FGF14: variants seen among roughly 807,000 people sequenced by gnomAD.
FGF14 encodes fibroblast growth factor 14, also known as fibroblast growth factor homologous factor 4.
A neutral mutation model predicts 25.5 loss-of-function variants in FGF14; 5 were observed. The ratio of observed to expected loss-of-function variants is 0.20; its 90% CI spans 0.10 to 0.41. The LOEUF is 0.41. Among genes scored for constraint, FGF14 ranks in the 10% least tolerant of loss-of-function variants. The probability of loss-of-function intolerance (pLI) is 1.00; values close to 1 mark genes in which losing one functional copy is unlikely to be tolerated. For synonymous variants in FGF14, 138 were observed against 118.3 expected, an observed-to-expected ratio of 1.17 and a Z score of -1.08; for missense variants, 222 against 320.1, an observed-to-expected ratio of 0.69 and a Z score of 2.34.
At chr13:102,084,890 G>A (rs959752909) in intron 1 of FGF14, among the ~76,000 whole-genome samples, 4 of 152,130 alleles carry the variant, frequency 2.6e-5, no homozygotes, top group Non-Finnish European at 4.4e-5. Context: ...TGTCAGAAAT[G>A]GCTCCCCAAA....
chr13:101,757,213 G>A (rs1330379612), intron 3 of FGF14, among the ~76,000 whole-genome samples: 1 of 152,062 alleles, frequency 6.6e-6, no homozygotes, highest in Non-Finnish European at 1.5e-5. Context: ...TAGAGAATAT[G>A]TTTGTCTTAT....
chr13:101,781,653 T>C (rs1183248456), intron 3 of FGF14, among the ~76,000 whole-genome samples: 1 of 152,202 alleles, frequency 6.6e-6, no homozygotes, highest in East Asian at 1.9e-4. Context: ...TCTAAACTTG[T>C]CCAATCTAAA....
intron 1 of FGF14, among the ~76,000 whole-genome samples, chr13:102,142,799 T>C (rs2046696228): frequency 6.6e-6 from 1 of 152,220 alleles, no homozygotes; most frequent in Non-Finnish European, 1.5e-5. Flanking sequence ...CTTCACTTTA[T>C]TAAAATTTCT....
At chr13:102,388,631 C>T (rs1056784538) in intron 1 of FGF14, among the ~76,000 whole-genome samples, 1 of 152,196 alleles carries the variant, frequency 6.6e-6, no homozygotes, top group Admixed American at 6.5e-5. Flanking sequence ...AGCAATTTCT[C>T]TCCTGCTCAT....
chr13:102,343,133 C>T (rs1282094222), intron 1 of FGF14, among the ~76,000 whole-genome samples: 3 of 152,044 alleles, frequency 2.0e-5, no homozygotes, highest in African/African-American at 4.8e-5. Context: ...AATTGTCATG[C>T]AGGGCCTATC....
At chr13:101,966,493 G>T (rs1253234570) in intron 1 of FGF14, among the ~76,000 whole-genome samples, 2 of 150,556 alleles carry the variant, frequency 1.3e-5, no homozygotes, top group East Asian at 3.9e-4. Flanking sequence ...TTTTGTTTTT[G>T]TTTTTTTGAG....
intron 1 of FGF14, among the ~76,000 whole-genome samples, chr13:102,349,112 A>G (rs983824656): frequency 2.0e-5 from 3 of 152,152 alleles, no homozygotes; most frequent in Non-Finnish European, 4.4e-5. Flanking sequence ...GCTGCTAAAC[A>G]TTCGGCAATT....
chr13:102,233,025 G>A (rs2051152011), intron 1 of FGF14, among the ~76,000 whole-genome samples: 1 of 151,976 alleles, frequency 6.6e-6, no homozygotes, highest in African/African-American at 2.4e-5. Flanking sequence ...CTGAGGTCTT[G>A]CCCCTCTCAC....
At chr13:101,989,636 T>C (rs1052277838) in intron 1 of FGF14, among the ~76,000 whole-genome samples, 2 of 152,130 alleles carry the variant, frequency 1.3e-5, no homozygotes, top group Non-Finnish European at 2.9e-5. Flanking sequence ...AGATATATAA[T>C]TGTTGGCTTA....
At chr13:102,260,007 G>A (rs1315193587) in intron 1 of FGF14, among the ~76,000 whole-genome samples, 1 of 152,164 alleles carries the variant, frequency 6.6e-6, no homozygotes, top group Non-Finnish European at 1.5e-5. Context: ...GATTCATAAT[G>A]TACATGTTGG....
intron 1 of FGF14, among the ~76,000 whole-genome samples, chr13:101,943,437 G>C (rs1425005781): frequency 6.6e-6 from 1 of 152,162 alleles, no homozygotes; most frequent in African/African-American, 2.4e-5. Flanking sequence ...TGTCACAAGG[G>C]GGAAGAGGTG....
At chr13:102,102,544 A>G (rs1182466513) in intron 1 of FGF14, among the ~76,000 whole-genome samples, 1 of 152,310 alleles carries the variant, frequency 6.6e-6, no homozygotes, top group East Asian at 1.9e-4. Context: ...GCAGAAGGCC[A>G]CTATTTTACC....
Position 102,141,361 on chromosome 13 carries a change from G to A in FGF14, c.208+260110C>T, listed in dbSNP as rs111301548. Among the ~76,000 whole-genome samples, 746 of 152,310 alleles carry A rather than the reference G, an allele frequency of 4.9e-3. 8 individuals are homozygous for A. Among genetic ancestry groups the A allele is most frequent in the African/African-American group, 0.017 (705 of 41,562 alleles). ...GCCTTTTCTATGAGGGTCAGTTACTGCTACGTTAAACAAGACAGTTTTCTC... is the reference window on the plus strand; with the variant it reads ...GCCTTTTCTATGAGGGTCAGTTACTACTACGTTAAACAAGACAGTTTTCTC... On this transcript the variant is annotated intron_variant, in intron 1 of 4. Transcript: ENST00000376131.
intron 1 of FGF14, among the ~76,000 whole-genome samples, chr13:102,387,300 T>C (rs956525151): frequency 3.3e-5 from 5 of 152,180 alleles, no homozygotes; most frequent in Non-Finnish European, 5.9e-5. Context: ...AATTCAAATT[T>C]TATAACAGAA....
At chr13:102,205,759 A>C (rs181354164) in intron 1 of FGF14, among the ~76,000 whole-genome samples, 1 of 151,588 alleles carries the variant, frequency 6.6e-6, no homozygotes, top group Non-Finnish European at 1.5e-5. Flanking sequence ...ACCTCCATAA[A>C]TAAACTGTTT....
chr13:101,803,297 TA>T (rs918327738), intron 3 of FGF14, among the ~76,000 whole-genome samples: 36 of 150,832 alleles, frequency 2.4e-4, no homozygotes, highest in African/African-American at 5.1e-4. Context: ...CTCAGCTAAT[TA>T]AAAAAAAAAT....
At chr13:101,980,397 T>C (rs2038177018) in intron 1 of FGF14, among the ~76,000 whole-genome samples, 1 of 151,756 alleles carries the variant, frequency 6.6e-6, no homozygotes, top group East Asian at 1.9e-4. Context: ...TATGAGAGTG[T>C]TTTTAAAAGT....
chr13:101,899,955 C>T (rs1396048004), intron 1 of FGF14, among the ~76,000 whole-genome samples: 2 of 152,034 alleles, frequency 1.3e-5, no homozygotes, highest in African/African-American at 4.8e-5. Context: ...CAAAATAAAA[C>T]ATACATTTTG....
In FGF14 at chr13:101,897,150, G is replaced by A. The variant is rs528131828; in HGVS notation, c.193+19303C>T. 2.0e-5 allele frequency among the ~76,000 whole-genome samples: 3 copies of A among 152,276 alleles called. No individual in the cohort carries two copies. In the East Asian group the frequency reaches 5.8e-4, roughly 29 times the overall value. On this transcript the variant is annotated intron_variant, in intron 1 of 4. Transcript: ENST00000376143. ...AAGGGTTCTGATCCATAGACATGTG[G>A]AAAGATTTACCTAGGTCCTGGGTTT...
Sources: gnomAD v4.1 joint callset for allele counts (sites outside exome capture counted in the v4.1 genomes callset) on GRCh38, gnomAD v4.1.1 for gene constraint, MANE v1.5 for transcripts, NCBI Gene and HGNC (gene_info 2026-07-23, HGNC 2026-07-21) for gene names.